GNL3L: variants seen among roughly 807,000 people sequenced by gnomAD.
The protein encoded by GNL3L is G protein nucleolar 3 like.
Under a neutral mutation model 42.9 loss-of-function variants are expected in GNL3L, and 4 were observed. The ratio of observed to expected loss-of-function variants is 0.09; its 90% CI spans 0.05 to 0.21. The LOEUF (loss-of-function observed/expected upper bound fraction) is 0.21, where lower values mean the gene tolerates loss of function less well. GNL3L is among the 10% of genes least tolerant of loss of function. The probability of loss-of-function intolerance (pLI) is 1.00; values close to 1 mark genes in which losing one functional copy is unlikely to be tolerated. For synonymous variants in GNL3L, 159 were observed against 176.3 expected, an observed-to-expected ratio of 0.90 and a Z score of 0.78; for missense variants, 412 against 481.7, an observed-to-expected ratio of 0.86 and a Z score of 1.36.
At chrX:54,588,466 TATG>T (rs1469103321) in intron 16 of GNL3L, among the ~76,000 whole-genome samples, 1 of 112,602 alleles carries the variant, frequency 8.9e-6, no homozygotes, top group Non-Finnish European at 1.9e-5. Context: ...CATCACTTGA[TATG>T]ATTATATGGT....
intron 16 of GNL3L, among the ~76,000 whole-genome samples, chrX:54,593,028 C>T (rs1178450569): frequency 1.8e-5 from 2 of 110,576 alleles, no homozygotes; most frequent in Non-Finnish European, 1.9e-5. Flanking sequence ...TTTGTTAGTA[C>T]GTTGAGGATT....
At chrX:54,624,398 C>A (rs776645121), downstream of GNL3L, among the ~76,000 whole-genome samples, 2 of 108,278 alleles carry the variant, frequency 1.8e-5, no homozygotes, top group African/African-American at 6.7e-5. Flanking sequence ...AGTCTGAGAT[C>A]AAGGAGTTAG....
intron 16 of GNL3L, among the ~76,000 whole-genome samples, chrX:54,600,206 CTTTTTTTTTTTTTTT>C (rs1172527598): frequency 6.7e-4 from 9 of 13,401 alleles, no homozygotes; most frequent in Admixed American, 2.1e-3. Flanking sequence ...CAATCTGCTG[CTTTTTTTTTTTTTTT>C]TTTTTTTTTT....
chrX:54,546,694 C>T lies in GNL3L; in HGVS notation c.631-1535C>T, dbSNP rs181781795. ...GGAGTTTCACTCTTGTTGCCCAGGC[C>T]GGAGTGGGATGGCACGATCTCGGCT... On this transcript the variant is annotated intron_variant, in intron 8 of 15. Coordinates refer to ENST00000360845, the MANE Select transcript of GNL3L (RefSeq NM_001184819.2). 1.9e-3 allele frequency among the ~76,000 whole-genome samples: 210 copies of T among 111,674 alleles called. 1 individual carries two copies. Among genetic ancestry groups the T allele is most frequent in the African/African-American group, 6.6e-3 (202 of 30,702 alleles).
chrX:54,557,807 C>A (rs967739633), intron 14 of GNL3L, among the ~76,000 whole-genome samples: 3 of 111,030 alleles, frequency 2.7e-5, no homozygotes, highest in African/African-American at 9.9e-5. Context: ...GTCTCAAACT[C>A]CTGGGCTCAA....
rs901065575 is a variant in GNL3L, at chrX:54,566,282, G to A, written c.*5680G>A. Among the ~76,000 whole-genome samples, 1 of 111,845 alleles carries A rather than the reference G, an allele frequency of 8.9e-6. No individual in the cohort carries two copies. The highest frequency in any genetic ancestry group is 3.3e-5 in the African/African-American group (1 of 30,740). ...TGTGTCCACACCTAAATCTCGAATT[G>A]TAGTTCCCATAATCCCCACACATAT... On this transcript the variant is annotated 3_prime_UTR_variant, in exon 16 of 16. Transcript: ENST00000360845.
intron 16 of GNL3L, among the ~76,000 whole-genome samples, chrX:54,579,982 GTTTGT>G (rs1277167059): frequency 5.5e-5 from 3 of 54,826 alleles, no homozygotes; most frequent in African/African-American, 5.0e-4. Context: ...CTGGCCTAAA[GTTTGT>G]TTTTTTTTTT....
intron 6 of GNL3L, 75 bp downstream of exon 6, chrX:54,543,113 T>A: frequency 9.0e-7 from 1 of 1,113,331 alleles, no homozygotes; most frequent in Non-Finnish European, 1.2e-6. Context: ...TTTCTGTTTT[T>A]TCCTGACTGA....
At chrX:54,635,489 T>C in the GNL3L span, among the ~76,000 whole-genome samples, 1 of 111,803 alleles carries the variant, frequency 8.9e-6, no homozygotes, top group African/African-American at 3.2e-5. Context: ...TTTTGTGATA[T>C]TTTTTGTTGA....
the GNL3L span, among the ~76,000 whole-genome samples, chrX:54,632,510 T>C: frequency 2.7e-5 from 3 of 111,074 alleles, no homozygotes; most frequent in Admixed American, 2.9e-4. Context: ...AATTCAAAAG[T>C]CTTCGAGCTG....
the GNL3L span, among the ~76,000 whole-genome samples, chrX:54,644,826 GATTAT>G: frequency 9.0e-6 from 1 of 111,522 alleles, no homozygotes; most frequent in African/African-American, 3.3e-5. Flanking sequence ...TTTTGACCGG[GATTAT>G]ATTGAATTTA....
chrX:54,607,507 T>C (rs940952203), intron 16 of GNL3L, among the ~76,000 whole-genome samples: 1 of 109,690 alleles, frequency 9.1e-6, no homozygotes, highest in African/African-American at 3.3e-5. Flanking sequence ...AGGGAAGTTA[T>C]AAGGCTGGAA....
At chrX:54,549,734 G>A (rs1214184931) in intron 9 of GNL3L, among the ~76,000 whole-genome samples, 1 of 112,213 alleles carries the variant, frequency 8.9e-6, no homozygotes, top group East Asian at 2.8e-4. Context: ...AAGAAGACAC[G>A]CATGTGCCCA....
At chrX:54,569,969 C>T (rs904738960), downstream of GNL3L, among the ~76,000 whole-genome samples, 1 of 111,327 alleles carries the variant, frequency 9.0e-6, no homozygotes, top group Non-Finnish European at 1.9e-5. Context: ...TGTTTCATGG[C>T]CCAGAATATG....
In GNL3L at chrX:54,561,443, G is replaced by A. The variant is rs1925268271; in HGVS notation, c.*841G>A. ...AAGTAGAAAGTAATGAGCCTCCTGT[G>A]TCTCTGGAAGGTTCTAGGGATAGGG... On this transcript the variant is annotated 3_prime_UTR_variant, in exon 16 of 16. Coordinates refer to ENST00000360845, the MANE Select transcript of GNL3L (RefSeq NM_001184819.2). 8.9e-6 allele frequency among the ~76,000 whole-genome samples: 1 copy of A among 112,339 alleles called. No homozygotes were observed. Among genetic ancestry groups the A allele is most frequent in the Admixed American group, 9.4e-5 (1 of 10,584 alleles).
downstream of GNL3L, among the ~76,000 whole-genome samples, chrX:54,622,217 T>TA (rs978356240): frequency 9.1e-5 from 10 of 109,758 alleles, no homozygotes; most frequent in African/African-American, 3.3e-4. Context: ...TGTTGAGAAA[T>TA]ATCTAAGTCC....
the GNL3L span, among the ~76,000 whole-genome samples, chrX:54,641,765 G>C: frequency 8.9e-6 from 1 of 112,042 alleles, no homozygotes; most frequent in Admixed American, 9.4e-5. Flanking sequence ...ATCCAGAGGA[G>C]AGTTGCCAGT....
rs1234335507 is a variant in GNL3L, at chrX:54,554,712, A to G, written c.1446+20A>G. 4 of 1,194,313 alleles carry G rather than the reference A, an allele frequency of 3.3e-6. No individual in the cohort carries two copies. The highest frequency in any genetic ancestry group is 4.5e-6 in the Non-Finnish European group (4 of 880,110). ...TATAAGGTACCTGTCATCTTTGTTC[A>G]TGGCAACCCTCTTCTCTCCCCAGGG... On this transcript the variant is annotated intron_variant, in intron 14 of 15. Coordinates refer to ENST00000360845, the MANE Select transcript of GNL3L (RefSeq NM_001184819.2).
At chrX:54,552,952 A>G (rs1924990314) in intron 13 of GNL3L, among the ~76,000 whole-genome samples, 1 of 112,093 alleles carries the variant, frequency 8.9e-6, no homozygotes, top group African/African-American at 3.2e-5. Flanking sequence ...CTGGGTGTCC[A>G]AAAGTATAGA....
Sources: allele counts gnomAD v4.1 joint callset (sites outside exome capture counted in the v4.1 genomes callset), GRCh38; gene constraint gnomAD v4.1.1; transcripts MANE v1.5; gene names NCBI Gene and HGNC (gene_info 2026-07-23, HGNC 2026-07-21).